Variants in EXOC4 observed in about 807,000 individuals in gnomAD.
EXOC4 encodes the protein exocyst complex component 4.
A neutral mutation model predicts 107.2 loss-of-function variants in EXOC4; 71 were observed. That is an observed-to-expected ratio of 0.66 (90% CI 0.55 to 0.81). EXOC4 has a LOEUF of 0.81. Ranked by LOEUF, EXOC4 falls within the 30% of genes least tolerant of loss-of-function variation. EXOC4 has a pLI of 0.00. For missense variants in EXOC4, 1,108 were observed against 1,189.6 expected (o/e 0.93, Z 1.01); for synonymous variants, 456 against 441.2 (o/e 1.03, Z -0.42).
At chr7:133,901,160 A>G (rs1359632107) in intron 12 of EXOC4, among the ~76,000 whole-genome samples, 4 of 152,114 alleles carry the variant, frequency 2.6e-5, no homozygotes, top group Non-Finnish European at 4.4e-5. Flanking sequence ...ATGAGCCACC[A>G]TGCCTGGCCA....
chr7:133,596,193 G>T (rs1364207391), intron 9 of EXOC4, among the ~76,000 whole-genome samples: 1 of 152,102 alleles, frequency 6.6e-6, no homozygotes, highest in East Asian at 1.9e-4. Flanking sequence ...TTGCTATTTA[G>T]TGAAAACTCT....
chr7:133,686,053 C>T lies in EXOC4; in HGVS notation c.1514+55912C>T, dbSNP rs919831813. ...CAATAGACATGATTTTATTCTTTTTCGTGGATTAATGGGTTATCATGAGAT... is the reference window on the plus strand; with the variant it reads ...CAATAGACATGATTTTATTCTTTTTTGTGGATTAATGGGTTATCATGAGAT... On this transcript the variant is annotated intron_variant, in intron 10 of 17. Coordinates refer to ENST00000253861, the MANE Select transcript of EXOC4 (RefSeq NM_021807.4). Among the ~76,000 whole-genome samples, 9 of 151,962 alleles carry T rather than the reference C, an allele frequency of 5.9e-5. 1 individual carries two copies. The highest frequency in any genetic ancestry group is 1.9e-4 in the African/African-American group (8 of 41,376).
rs115553003 is a variant in EXOC4 at position 133,849,777 on chromosome 7, A to G, written c.1734+32233A>G. 2.4e-3 allele frequency among the ~76,000 whole-genome samples: 364 copies of G among 152,330 alleles called. 5 individuals are homozygous for G. The highest frequency in any genetic ancestry group is 8.2e-3 in the African/African-American group (340 of 41,576). Reference sequence around the variant, plus strand: ...AATGCCTAACACGTAGTAGGTACTCAAGTATTAGATGACTGAATGAATCAA... The same window carrying G: ...AATGCCTAACACGTAGTAGGTACTCGAGTATTAGATGACTGAATGAATCAA... On this transcript the variant is annotated intron_variant, in intron 11 of 17. Coordinates refer to ENST00000253861, the MANE Select transcript of EXOC4 (RefSeq NM_021807.4).
chr7:133,467,508 C>G (rs925826320), intron 7 of EXOC4, among the ~76,000 whole-genome samples: 2 of 150,776 alleles, frequency 1.3e-5, no homozygotes, highest in Non-Finnish European at 3.0e-5. Flanking sequence ...ATCACCATTT[C>G]ATTTGCCTGT....
At chr7:133,675,809 T>C (rs546424638) in intron 10 of EXOC4, among the ~76,000 whole-genome samples, 1 of 152,286 alleles carries the variant, frequency 6.6e-6, no homozygotes, top group Non-Finnish European at 1.5e-5. Flanking sequence ...TGGGAATTGT[T>C]CCTTTGTTGG....
At chr7:133,537,219 C>G (rs552973627) in intron 9 of EXOC4, among the ~76,000 whole-genome samples, 1 of 151,638 alleles carries the variant, frequency 6.6e-6, no homozygotes, top group South Asian at 2.1e-4. Context: ...GGCGTGATCT[C>G]GACTCACTGC....
intron 5 of EXOC4, among the ~76,000 whole-genome samples, chr7:133,340,621 G>A (rs1198381717): frequency 6.6e-6 from 1 of 151,826 alleles, no homozygotes; most frequent in Admixed American, 6.6e-5. Flanking sequence ...TTCTTTGAAT[G>A]TCTGATAGAA....
chr7:133,255,284 C>G (rs1348442237), intron 1 of EXOC4, among the ~76,000 whole-genome samples: 2 of 152,012 alleles, frequency 1.3e-5, no homozygotes, highest in Admixed American at 1.3e-4. Flanking sequence ...TCAAGTGATT[C>G]TTCTGCTTCA....
At chr7:133,656,638 A>T (rs1803307071) in intron 10 of EXOC4, among the ~76,000 whole-genome samples, 1 of 152,162 alleles carries the variant, frequency 6.6e-6, no homozygotes, top group South Asian at 2.1e-4. Flanking sequence ...GAACAAAAAC[A>T]CAAGTGCCTA....
intron 7 of EXOC4, among the ~76,000 whole-genome samples, chr7:133,394,640 CT>C (rs1190005082): frequency 2.0e-5 from 3 of 152,132 alleles, no homozygotes; most frequent in Non-Finnish European, 4.4e-5. Flanking sequence ...TCCTGACCTA[CT>C]ATACAGAACC....
intron 9 of EXOC4, among the ~76,000 whole-genome samples, chr7:133,602,459 C>T (rs868309242): frequency 1.3e-5 from 2 of 152,130 alleles, no homozygotes; most frequent in Admixed American, 6.6e-5. Context: ...GTGTGGCAGC[C>T]CGTTGTGCTT....
At chr7:133,403,806 C>A (rs1164575627) in intron 7 of EXOC4, among the ~76,000 whole-genome samples, 1 of 152,088 alleles carries the variant, frequency 6.6e-6, no homozygotes, top group Non-Finnish European at 1.5e-5. Context: ...TGGTGCACAC[C>A]TGTAGTCCTT....
At chr7:134,086,780 TAGAC>T in the EXOC4 span, among the ~76,000 whole-genome samples, 1 of 152,186 alleles carries the variant, frequency 6.6e-6, no homozygotes, top group Non-Finnish European at 1.5e-5. Flanking sequence ...GGCTACTCCA[TAGAC>T]AGAGCAGCCA....
At chr7:133,649,461 C>CTT (rs34123621) in intron 10 of EXOC4, among the ~76,000 whole-genome samples, 2 of 141,870 alleles carry the variant, frequency 1.4e-5, no homozygotes, top group Admixed American at 1.4e-4. Flanking sequence ...AGCATTACTA[C>CTT]TTTTTCTTTT....
intron 9 of EXOC4, among the ~76,000 whole-genome samples, chr7:133,555,567 T>C (rs1228540209): frequency 6.6e-6 from 1 of 152,208 alleles, no homozygotes; most frequent in East Asian, 1.9e-4. Context: ...ATACTTACTT[T>C]AGCATCTTTT....
chr7:134,027,824 G>A (rs1795177738), intron 17 of EXOC4, among the ~76,000 whole-genome samples: 1 of 152,146 alleles, frequency 6.6e-6, no homozygotes, highest in Non-Finnish European at 1.5e-5. Flanking sequence ...AGTCTTAATT[G>A]AGTAGGACCT....
At chr7:133,675,846 A>G (rs1794045322) in intron 10 of EXOC4, among the ~76,000 whole-genome samples, 1 of 152,200 alleles carries the variant, frequency 6.6e-6, no homozygotes, top group South Asian at 2.1e-4. Flanking sequence ...AATTGAGATG[A>G]AATATGCCAG....
At chr7:134,002,551 T>C (rs549747625) in intron 15 of EXOC4, among the ~76,000 whole-genome samples, 1 of 152,238 alleles carries the variant, frequency 6.6e-6, no homozygotes, top group Non-Finnish European at 1.5e-5. Flanking sequence ...GGAGAAAATA[T>C]CTGCAAAGTC....
intron 7 of EXOC4, among the ~76,000 whole-genome samples, chr7:133,438,900 G>A (rs888832607): frequency 6.6e-6 from 1 of 152,184 alleles, no homozygotes; most frequent in Admixed American, 6.5e-5. Flanking sequence ...ACAGATGACA[G>A]TAGGTCAGTT....
Sources: gnomAD v4.1 joint callset for allele counts (sites outside exome capture counted in the v4.1 genomes callset) on GRCh38, gnomAD v4.1.1 for gene constraint, MANE v1.5 for transcripts, NCBI Gene and HGNC (gene_info 2026-07-23, HGNC 2026-07-21) for gene names.